Variants in UBE2H observed in about 807,000 individuals in gnomAD.
The protein encoded by UBE2H is ubiquitin conjugating enzyme E2 H.
Under a neutral mutation model 29.0 loss-of-function variants are expected in UBE2H, and 3 were observed. The observed-to-expected ratio is 0.10, with a 90% CI of 0.05 to 0.27. The LOEUF is 0.27. Among genes scored for constraint, UBE2H ranks in the 10% least tolerant of loss-of-function variants. The probability of loss-of-function intolerance (pLI) is 1.00; values close to 1 mark genes in which losing one functional copy is unlikely to be tolerated. For synonymous variants in UBE2H, 69 were observed against 82.9 expected (o/e 0.83, Z 0.91); for missense variants, 68 against 228.2 (o/e 0.30, Z 4.52).
At chr7:129,867,929 T>C (rs973086583) in intron 3 of UBE2H, among the ~76,000 whole-genome samples, 1 of 152,056 alleles carries the variant, frequency 6.6e-6, no homozygotes, top group African/African-American at 2.4e-5. Context: ...ATCAGGCAAA[T>C]TGGATGTCAT....
rs11347186 is a variant in UBE2H at position 129,920,848 on chromosome 7, C to CA, written c.53+31654dup. ...TAATAAACAAATGACTAGAAAAAGT[C>CA]AAAAAAAAAAAAAAAAAAAAAAGCA... On this transcript the variant is annotated intron_variant, in intron 1 of 6. Transcript: ENST00000355621. 9.5e-3 allele frequency among the ~76,000 whole-genome samples: 701 copies of CA among 73,970 alleles called. 18 individuals are homozygous for CA. The highest frequency in any genetic ancestry group is 0.03 in the African/African-American group (588 of 19,496). The allele number at this position is 73,970 out of a possible 152,430, so 48.5% of individuals were successfully genotyped here.
intron 3 of UBE2H, among the ~76,000 whole-genome samples, chr7:129,860,026 A>G (rs1805771599): frequency 6.6e-6 from 1 of 152,198 alleles, no homozygotes; most frequent in Non-Finnish European, 1.5e-5. Context: ...ACCAATAAAT[A>G]CCTGCAATCT....
At chr7:129,844,666 T>C (rs78304578) in intron 5 of UBE2H, among the ~76,000 whole-genome samples, 9,685 of 152,234 alleles carry the variant, frequency 0.064, 372 homozygotes, top group Non-Finnish European at 0.092. Flanking sequence ...GTCCCAAGAT[T>C]CCTGAGTATA....
At chr7:129,868,607 A>G (rs1281981954) in intron 3 of UBE2H, among the ~76,000 whole-genome samples, 53 of 151,198 alleles carry the variant, frequency 3.5e-4, no homozygotes, top group African/African-American at 1.3e-3. Flanking sequence ...AAAAAAAAAA[A>G]AAAAAGAAAG....
intron 1 of UBE2H, among the ~76,000 whole-genome samples, chr7:129,904,200 C>T (rs1178456904): frequency 6.6e-6 from 1 of 152,182 alleles, no homozygotes; most frequent in African/African-American, 2.4e-5. Flanking sequence ...CTCCCCAGGG[C>T]CTTTGCAATG....
At chr7:129,906,785 C>T (rs1045186524) in intron 1 of UBE2H, among the ~76,000 whole-genome samples, 2 of 152,168 alleles carry the variant, frequency 1.3e-5, no homozygotes, top group African/African-American at 4.8e-5. Context: ...CTTACCAGTA[C>T]TTCAAAAAGT....
chr7:129,896,119 C>G (rs188176634), intron 1 of UBE2H, among the ~76,000 whole-genome samples: 1 of 151,928 alleles, frequency 6.6e-6, no homozygotes, highest in African/African-American at 2.4e-5. Flanking sequence ...GGTAGATCAT[C>G]TGAGGTTAGG....
At chr7:129,928,539 G>C (rs2116487278) in intron 1 of UBE2H, among the ~76,000 whole-genome samples, 1 of 152,278 alleles carries the variant, frequency 6.6e-6, no homozygotes, top group South Asian at 2.1e-4. Flanking sequence ...GGAGGTGGAG[G>C]TTGCAGTGAG....
intron 1 of UBE2H, among the ~76,000 whole-genome samples, chr7:129,916,777 A>G (rs1240192358): frequency 6.6e-6 from 1 of 152,052 alleles, no homozygotes; most frequent in Non-Finnish European, 1.5e-5. Context: ...GGTGGCTCAC[A>G]CCTGTAATTC....
rs1251902729 is a variant in UBE2H, at chr7:129,831,291, GCTAA to G, written c.*3642_*3645del. 2 of 152,234 alleles carry G rather than the reference GCTAA, an allele frequency of 1.3e-5. No homozygotes were observed. The highest frequency in any genetic ancestry group is 2.4e-5 in the African/African-American group (1 of 41,458). The allele number at this position is 152,234 out of a possible 1,614,324, so 9.4% of individuals were successfully genotyped here. ...AGTTGGGAAGTCGATAAAAAATCTTGCTAACTTTTTTAAATGGCTTTTACTTTTC... is the reference window on the plus strand; with the variant it reads ...AGTTGGGAAGTCGATAAAAAATCTTGCTTTTTTAAATGGCTTTTACTTTTC... On this transcript the variant is annotated 3_prime_UTR_variant, in exon 7 of 7. Transcript: ENST00000355621.
At chr7:129,899,470 C>G (rs948045646) in intron 1 of UBE2H, among the ~76,000 whole-genome samples, 9 of 151,938 alleles carry the variant, frequency 5.9e-5, no homozygotes, top group Non-Finnish European at 8.8e-5. Context: ...GCTTTTTTTT[C>G]TCTCATGCTG....
In UBE2H at chr7:129,832,462, ACTCT is replaced by A. The variant is rs1468115566; in HGVS notation, c.*2471_*2474del. 1.4e-5 allele frequency: 2 copies of A among 144,152 alleles called. No homozygotes were observed. Among genetic ancestry groups the A allele is most frequent in the African/African-American group, 5.2e-5 (2 of 38,254 alleles). The allele number at this position is 144,152 out of a possible 1,614,324, so 8.9% of individuals were successfully genotyped here. ...CACACACTTAGATGGACACACACAC[ACTCT>A]CGCTCACACTCTCACACATGTGCAC... On this transcript the variant is annotated 3_prime_UTR_variant, in exon 7 of 7. Transcript: ENST00000355621.
chr7:129,925,957 T>C (rs1334345933), intron 1 of UBE2H, among the ~76,000 whole-genome samples: 1 of 152,214 alleles, frequency 6.6e-6, no homozygotes. Flanking sequence ...AATTCCTAAC[T>C]GATCTGTCCA....
intron 1 of UBE2H, among the ~76,000 whole-genome samples, chr7:129,927,198 A>G (rs571004496): frequency 3.3e-5 from 5 of 152,338 alleles, no homozygotes; most frequent in Non-Finnish European, 7.3e-5. Flanking sequence ...CTAAAATGTT[A>G]ATAATAGAAT....
chr7:129,859,896 A>T (rs2727497), intron 3 of UBE2H, among the ~76,000 whole-genome samples: 143,505 of 151,672 alleles, frequency 0.95, 68,266 homozygotes, highest in East Asian at 1. Flanking sequence ...TCTCTCTCTC[A>T]TATTCATTCA....
At chr7:129,872,481 G>A (rs1427096707) in intron 3 of UBE2H, among the ~76,000 whole-genome samples, 1 of 152,128 alleles carries the variant, frequency 6.6e-6, no homozygotes, top group Admixed American at 6.5e-5. Context: ...TGCCTGAACA[G>A]TCTATTATTC....
At chr7:129,918,530 G>A (rs1051226468) in intron 1 of UBE2H, among the ~76,000 whole-genome samples, 10 of 151,996 alleles carry the variant, frequency 6.6e-5, no homozygotes, top group Non-Finnish European at 1.3e-4. Flanking sequence ...GCTAATTTTT[G>A]TATTTTTATT....
In UBE2H at chr7:129,841,447, C is replaced by T. The variant is rs146718783; in HGVS notation, c.299-2112G>A. On this transcript the variant is annotated intron_variant, in intron 5 of 6. Transcript: ENST00000355621. The stretch of plus-strand genomic sequence containing the variant: ...CAGTGATAAAAATGTTTTATATGTG[C>T]TCACCTAAACCAATAGCCACTAGCC... Among the ~76,000 whole-genome samples the T allele has an allele frequency of 1.9e-3, 295 of 152,320 alleles. 1 individual carries two copies. The highest frequency in any genetic ancestry group is 3.5e-3 in the Non-Finnish European group (241 of 68,030).
At chr7:129,942,426 G>A (rs1222167626) in intron 1 of UBE2H, among the ~76,000 whole-genome samples, 1 of 152,088 alleles carries the variant, frequency 6.6e-6, no homozygotes, top group Admixed American at 6.5e-5. Flanking sequence ...GGCAGAGGTC[G>A]CAGTGAGCCG....
Sources: gnomAD v4.1 joint callset for allele counts (sites outside exome capture counted in the v4.1 genomes callset) on GRCh38, gnomAD v4.1.1 for gene constraint, MANE v1.5 for transcripts, NCBI Gene and HGNC (gene_info 2026-07-23, HGNC 2026-07-21) for gene names.